Variants in POU2AF1 observed in about 807,000 individuals in gnomAD.
POU2AF1 encodes the protein POU class 2 homeobox associating factor 1, also known as POU domain class 2-associating factor 1.
Under a neutral mutation model 26.3 loss-of-function variants are expected in POU2AF1, and 12 were observed. That is an observed-to-expected ratio of 0.46 (90% CI 0.29 to 0.74). POU2AF1 has a LOEUF of 0.74. Among genes scored for constraint, POU2AF1 ranks in the 30% least tolerant of loss-of-function variants. The pLI is 0.09. For synonymous variants in POU2AF1, 175 were observed against 148.0 expected (o/e 1.18, Z -1.32); for missense variants, 297 against 334.5 (o/e 0.89, Z 0.87).
At position 111,357,558 on chromosome 11, in the gene POU2AF1, T is replaced by C. The variant is rs1381608915; in HGVS notation, c.343A>G (p.Ser115Gly). ...TACATGTCAGCTGAGTAGGGGCAGC[T>C]GACAGCTTCATGGGGCACATACTCG... is the stretch of plus-strand genomic sequence containing the variant. ...YTEYVPHEAV[S>G]CPYSADMYVQ... Residue 115 changes from serine to glycine, a missense_variant, in exon 4 of 5, where the codon AGC becomes GGC. Coordinates refer to ENST00000393067, the MANE Select transcript of POU2AF1 (RefSeq NM_006235.3). 1 of 1,614,078 alleles carries C rather than the reference T, an allele frequency of 6.2e-7. No individual in the cohort carries two copies. The highest frequency in any genetic ancestry group is 1.3e-5 in the African/African-American group (1 of 75,038).
intron 1 of POU2AF1, 121 bp from the exon 2 acceptor site, chr11:111,359,039 G>A (rs531704917): frequency 4.4e-5 from 64 of 1,441,702 alleles, no homozygotes; most frequent in South Asian, 5.8e-5. Context: ...GGAGAACCAC[G>A]TGACACTTCC....
intron 1 of POU2AF1, among the ~76,000 whole-genome samples, chr11:111,373,655 C>T (rs974709414): frequency 2.0e-5 from 3 of 152,208 alleles, no homozygotes; most frequent in Non-Finnish European, 4.4e-5. Context: ...CATTCCAGCA[C>T]TAGAACATTT....
Position 111,353,057 on chromosome 11 carries a change from A to C in POU2AF1, c.*1204T>G. The C allele has an allele frequency of 5.4e-6, 1 of 183,906 alleles. No homozygotes were observed. The highest frequency in any genetic ancestry group is 1.0e-5 in the Non-Finnish European group (1 of 99,774). The allele number at this position is 183,906 out of a possible 1,614,324, so 11.4% of individuals were successfully genotyped here. ...AGGAAGGAAGGAAGGAAGGAAGGAA[A>C]GAAACAAAACCCACATGGTAGCACT... On this transcript the variant is annotated 3_prime_UTR_variant, in exon 5 of 5. Transcript: ENST00000393067.
rs752337570 is a variant in POU2AF1, at chr11:111,354,409, A to C, written c.623T>G (p.Leu208Arg). ...GACTGGCTCTGGGATAGAGATGGGG[A>C]GCTGGACAAACTGGGGCCCAGGTAG... ...PALPGPQFVQ[L>R]PISIPEPVLQ... Residue 208 changes from leucine to arginine, a missense_variant, in exon 5 of 5, where the codon CTC (leucine) becomes CGC (arginine). Physicochemically the swap from Leu to Arg is moderately radical, Grantham distance 102. Transcript: ENST00000393067. The C allele has an allele frequency of 1.9e-6, 3 of 1,614,000 alleles. No individual in the cohort carries two copies. The highest frequency in any genetic ancestry group is 2.5e-6 in the Non-Finnish European group (3 of 1,180,000).
At chr11:111,358,001 T>C (rs1257707466) in intron 2 of POU2AF1, among the ~76,000 whole-genome samples, 164 bp from the exon 3 acceptor site, 1 of 152,040 alleles carries the variant, frequency 6.6e-6, no homozygotes, top group Non-Finnish European at 1.5e-5. Flanking sequence ...CCACCTACAC[T>C]TGAGAGATTT....
intron 1 of POU2AF1, among the ~76,000 whole-genome samples, chr11:111,372,909 G>A (rs544886254): frequency 3.6e-4 from 55 of 152,290 alleles, no homozygotes; most frequent in Non-Finnish European, 7.6e-4. Context: ...CTTCTTGCTT[G>A]TCCGAAGATG....
chr11:111,375,813 T>C (rs1391221281), intron 1 of POU2AF1, among the ~76,000 whole-genome samples: 2 of 152,234 alleles, frequency 1.3e-5, no homozygotes, highest in Admixed American at 1.3e-4. Flanking sequence ...TTAGGCTTTG[T>C]ATGCTGCACA....
chr11:111,353,756 T>C lies in POU2AF1; in HGVS notation c.*505A>G. On this transcript the variant is annotated 3_prime_UTR_variant, in exon 5 of 5. Transcript: ENST00000393067. ...GAGGAAGGAGGCCTTTTCCAAGAAA[T>C]GAAATGTGACAGAAATGAAAGCCCA... 4.0e-6 allele frequency: 1 copy of C among 247,794 alleles called. No individual in the cohort carries two copies. The allele number at this position is 247,794 out of a possible 1,614,324, so 15.3% of individuals were successfully genotyped here. A position where few individuals can be genotyped will look rare whatever the true frequency, so the allele number is the denominator to read the frequency against.
chr11:111,354,985 T>A (rs1860815405), intron 4 of POU2AF1, among the ~76,000 whole-genome samples: 1 of 152,212 alleles, frequency 6.6e-6, no homozygotes, highest in African/African-American at 2.4e-5. Context: ...TGTGAAAATA[T>A]ATGTTAAACC....
rs371224343 is a variant in POU2AF1, at chr11:111,379,082, C to T, written c.16+80G>A. On this transcript the variant is annotated intron_variant, in intron 1 of 4. Transcript: ENST00000393067. ...GGCCCCATCACCTCCACCACCAGCT[C>T]CCCAATTCCAGACCAAGCTGTGATC... is the stretch of plus-strand genomic sequence containing the variant. 7.9e-5 allele frequency: 125 copies of T among 1,591,778 alleles called. No homozygotes were observed. The African/African-American group carries it at 1.6e-3, about 20-fold the overall frequency.
Position 111,358,727 on chromosome 11 carries a change from C to G in POU2AF1, c.147+61G>C, listed in dbSNP as rs556530756. ...ACACACATACACTCTCACACTATCCCTGACACACACATTCTCTTTCACACA... is the reference window on the plus strand; with the variant it reads ...ACACACATACACTCTCACACTATCCGTGACACACACATTCTCTTTCACACA... On this transcript the variant is annotated intron_variant, in intron 2 of 4. Transcript: ENST00000393067. The G allele has an allele frequency of 1.3e-5, 20 of 1,524,494 alleles. No homozygotes were observed. In the East Asian group the frequency reaches 4.7e-4, roughly 35 times the overall value. 94.4% of individuals were successfully genotyped at this position (1,524,494 alleles called of 1,614,324 possible). A position where few individuals can be genotyped will look rare whatever the true frequency, so the allele number is the denominator to read the frequency against.
In POU2AF1 at chr11:111,365,293, AG is replaced by A. The variant is rs557826470; in HGVS notation, c.17-6376del. On this transcript the variant is annotated intron_variant, in intron 1 of 4. Transcript: ENST00000393067. ...CATGATGCAAGGGATTCCTTTATGA[AG>A]GACATTGGAGAAAGGGAGTGGTTGT... Among the ~76,000 whole-genome samples the A allele has an allele frequency of 1.6e-4, 25 of 152,352 alleles. No individual in the cohort carries two copies. The East Asian group carries it at 4.6e-3, about 28-fold the overall frequency.
intron 4 of POU2AF1, among the ~76,000 whole-genome samples, chr11:111,355,158 G>T (rs978513285): frequency 2.0e-5 from 3 of 152,180 alleles, no homozygotes; most frequent in African/African-American, 7.2e-5. Context: ...GCCATCCCCA[G>T]ATGGGGGAAG....
chr11:111,359,051 A>G (rs1243500242), intron 1 of POU2AF1, 133 bp from the exon 2 acceptor site: 2 of 1,404,914 alleles, frequency 1.4e-6, no homozygotes, highest in Non-Finnish European at 1.9e-6. Context: ...GACACTTCCT[A>G]GAATGCCTCT....
At chr11:111,358,758 A>T (rs80223743) in intron 2 of POU2AF1, 30 bp downstream of exon 2, 77,841 of 1,549,526 alleles carry the variant, frequency 0.05, 2,256 homozygotes, top group Middle Eastern at 0.14. Flanking sequence ...ACACACACAC[A>T]CTCACACTCT....
rs765083657 is a variant in POU2AF1, at chr11:111,357,848, G to T, written c.148-11C>A. The stretch of plus-strand genomic sequence containing the variant: ...ATGGGGCAGCACCACCTAGAGGGGA[G>T]AGGAGAAGACCAGGGTCAATGTTTA... On this transcript the variant is annotated splice_polypyrimidine_tract_variant and intron_variant, in intron 2 of 4. Transcript: ENST00000393067. 1 of 1,604,004 alleles carries T rather than the reference G, an allele frequency of 6.2e-7. No homozygotes were observed. The highest frequency in any genetic ancestry group is 1.7e-5 in the Admixed American group (1 of 57,654).
At chr11:111,372,164 G>A (rs1353854688) in intron 1 of POU2AF1, among the ~76,000 whole-genome samples, 1 of 151,974 alleles carries the variant, frequency 6.6e-6, no homozygotes, top group African/African-American at 2.4e-5. Flanking sequence ...CAGAAGCCTT[G>A]GCTCCCAGCA....
chr11:111,360,839 G>A (rs1860992369), intron 1 of POU2AF1, among the ~76,000 whole-genome samples: 1 of 151,806 alleles, frequency 6.6e-6, no homozygotes, highest in African/African-American at 2.4e-5. Flanking sequence ...AGTTACTTGG[G>A]AGGCTGACTC....
intron 1 of POU2AF1, among the ~76,000 whole-genome samples, chr11:111,369,952 G>C (rs1861176787): frequency 6.6e-6 from 1 of 152,144 alleles, no homozygotes; most frequent in Admixed American, 6.5e-5. Flanking sequence ...ATCTAATTTT[G>C]GCTTTTCAAG....
Sources: allele counts gnomAD v4.1 joint callset (sites outside exome capture counted in the v4.1 genomes callset), GRCh38; gene constraint gnomAD v4.1.1; transcripts MANE v1.5; gene names NCBI Gene and HGNC (gene_info 2026-07-23, HGNC 2026-07-21).